PALM2AKAP2: variants seen among roughly 807,000 people sequenced by gnomAD.
PALM2AKAP2 encodes the protein PALM2 and AKAP2 fusion, also known as PALM2-AKAP2 fusion protein.
Under a neutral mutation model 71.5 loss-of-function variants are expected in PALM2AKAP2, and 37 were observed. That is an observed-to-expected ratio of 0.52 (90% CI 0.40 to 0.68). PALM2AKAP2 has a LOEUF of 0.68. Ranked by LOEUF, PALM2AKAP2 falls within the 30% of genes least tolerant of loss-of-function variation. PALM2AKAP2 has a pLI of 0.00. For synonymous variants in PALM2AKAP2, 468 were observed against 478.8 expected (o/e 0.98, Z 0.29); for missense variants, 1,224 against 1,191.8 (o/e 1.03, Z -0.40).
chr9:109,904,779 G>A (rs191627810), intron 3 of PALM2AKAP2, among the ~76,000 whole-genome samples: 58 of 152,174 alleles, frequency 3.8e-4, no homozygotes, highest in African/African-American at 1.3e-3. Context: ...GGAGCACGAT[G>A]TACTATCTCT....
rs1156995172 is a variant in PALM2AKAP2, at chr9:109,762,709, A to G, written c.6-17779A>G. Reference sequence around the variant, plus strand: ...AAAGGGGCAAAAGCTACTTTTATATACTTTTCAGAAGTCTCTTGCCTTGGA... The same window carrying G: ...AAAGGGGCAAAAGCTACTTTTATATGCTTTTCAGAAGTCTCTTGCCTTGGA... On this transcript the variant is annotated intron_variant, in intron 1 of 6. Transcript: ENST00000374531. Among the ~76,000 whole-genome samples, 4 of 152,264 alleles carry G rather than the reference A, an allele frequency of 2.6e-5. No homozygotes were observed. In the East Asian group the frequency reaches 7.7e-4, roughly 29 times the overall value.
exon 2 of PALM2AKAP2, chr9:110,136,274 G>T (rs747252186): frequency 3.1e-6 from 5 of 1,614,148 alleles, no homozygotes; most frequent in African/African-American, 1.3e-5. Context: ...ATGTAAAAGT[G>T]TTCCTGGAAT....
chr9:110,165,137 A>G (rs1196300509), intron 3 of PALM2AKAP2, among the ~76,000 whole-genome samples: 1 of 152,216 alleles, frequency 6.6e-6, no homozygotes, highest in African/African-American at 2.4e-5. Context: ...TTCAAACAGT[A>G]ACATCGTACT....
At chr9:109,932,897 A>G (rs1831138365) in intron 6 of PALM2AKAP2, among the ~76,000 whole-genome samples, 1 of 149,024 alleles carries the variant, frequency 6.7e-6, no homozygotes, top group Non-Finnish European at 1.5e-5. Flanking sequence ...GATTTTTTAA[A>G]GTAAAACAAT....
chr9:110,027,704 T>G (rs1356795555), intron 7 of PALM2AKAP2, among the ~76,000 whole-genome samples: 1 of 152,156 alleles, frequency 6.6e-6, no homozygotes, highest in Non-Finnish European at 1.5e-5. Context: ...AGACAGATTA[T>G]CCTCCTAGAA....
At chr9:109,744,324 A>G (rs955550789) in intron 1 of PALM2AKAP2, among the ~76,000 whole-genome samples, 1 of 152,200 alleles carries the variant, frequency 6.6e-6, no homozygotes, top group African/African-American at 2.4e-5. Context: ...AAGACTTTGA[A>G]GAAACAATTT....
exon 4 of PALM2AKAP2, chr9:110,171,390 C>T (rs1836855269): frequency 6.6e-6 from 1 of 152,198 alleles, no homozygotes; most frequent in Admixed American, 6.5e-5. Context: ...GTGGCCCCTA[C>T]ATCTCTTAAC....
At chr9:109,668,727 G>A (rs1287713488) in intron 1 of PALM2AKAP2, among the ~76,000 whole-genome samples, 2 of 152,194 alleles carry the variant, frequency 1.3e-5, no homozygotes, top group East Asian at 3.9e-4. Context: ...TTAGTTATAT[G>A]AGGGCTTCCA....
chr9:109,791,459 A>T (rs925564092), intron 1 of PALM2AKAP2, among the ~76,000 whole-genome samples: 4 of 152,042 alleles, frequency 2.6e-5, no homozygotes, highest in African/African-American at 9.7e-5. Flanking sequence ...ATGGCAGTGG[A>T]GGGAGCCTTT....
intron 2 of PALM2AKAP2, among the ~76,000 whole-genome samples, chr9:109,878,603 G>T (rs572772213): frequency 2.8e-4 from 43 of 152,304 alleles, no homozygotes; most frequent in Non-Finnish European, 5.1e-4. Context: ...TCTCCTGGAA[G>T]TGCAGGAATT....
intron 4 of PALM2AKAP2, 107 bp downstream of exon 4, chr9:109,923,956 G>A: frequency 8.5e-7 from 1 of 1,171,998 alleles, no homozygotes; most frequent in Non-Finnish European, 1.2e-6. Context: ...TGAGAAATCT[G>A]AGCCACGAAC....
intron 6 of PALM2AKAP2, among the ~76,000 whole-genome samples, chr9:109,966,837 A>G (rs748617654): frequency 1.3e-5 from 2 of 152,156 alleles, no homozygotes; most frequent in South Asian, 2.1e-4. Flanking sequence ...GCGGTACTCA[A>G]TGGTCTGTGT....
intron 1 of PALM2AKAP2, among the ~76,000 whole-genome samples, chr9:109,652,500 A>G (rs900079887): frequency 6.6e-6 from 1 of 152,186 alleles, no homozygotes; most frequent in African/African-American, 2.4e-5. Flanking sequence ...AGTCTGCAGA[A>G]CTGTGAGCCA....
At chr9:109,928,257 C>T (rs1015445869) in intron 5 of PALM2AKAP2, among the ~76,000 whole-genome samples, 2 of 152,178 alleles carry the variant, frequency 1.3e-5, no homozygotes, top group African/African-American at 2.4e-5. Context: ...TATCAGCCAC[C>T]GCATCCAGCC....
At chr9:109,814,756 C>T (rs966146138) in intron 1 of PALM2AKAP2, among the ~76,000 whole-genome samples, 7 of 152,218 alleles carry the variant, frequency 4.6e-5, no homozygotes, top group African/African-American at 1.7e-4. Context: ...GACACCAAGA[C>T]TCATCTATCA....
chr9:109,749,833 G>T (rs1828858909), intron 1 of PALM2AKAP2, among the ~76,000 whole-genome samples: 1 of 152,196 alleles, frequency 6.6e-6, no homozygotes, highest in Non-Finnish European at 1.5e-5. Context: ...CTCCCAAGGA[G>T]TTCGTTGTCA....
chr9:109,915,282 A>G (rs148747080), intron 3 of PALM2AKAP2, among the ~76,000 whole-genome samples: 434 of 152,364 alleles, frequency 2.8e-3, no homozygotes, highest in African/African-American at 9.7e-3. Context: ...TGTGTGGAGA[A>G]GTTCAAGAAG....
chr9:110,098,171 G>GGGGAGAGGGGAGAGGGGAGAT (rs1834909613), intron 1 of PALM2AKAP2, among the ~76,000 whole-genome samples: 1 of 151,468 alleles, frequency 6.6e-6, no homozygotes, highest in African/African-American at 2.4e-5. Flanking sequence ...AGAGGGGAGA[G>GGGGAGAGGGGAGAGGGGAGAT]GGGAGAGGGA....
intron 7 of PALM2AKAP2, among the ~76,000 whole-genome samples, chr9:110,035,023 C>A (rs1002783301): frequency 6.6e-6 from 1 of 150,694 alleles, no homozygotes; most frequent in Non-Finnish European, 1.5e-5. Context: ...TTGAATTCGC[C>A]CATGGTAAAT....
Sources: allele counts gnomAD v4.1 joint callset (sites outside exome capture counted in the v4.1 genomes callset), GRCh38; gene constraint gnomAD v4.1.1; transcripts MANE v1.5; gene names NCBI Gene and HGNC (gene_info 2026-07-23, HGNC 2026-07-21).